The following DENND2A variants were observed in gnomAD, a reference collection of about 807,000 sequenced individuals.
DENND2A encodes the protein DENN domain containing 2A, also known as DENN domain-containing protein 2A.
In DENND2A, 53 loss-of-function variants were observed where a neutral mutation model predicts 105.3. The ratio of observed to expected loss-of-function variants is 0.50; its 90% CI spans 0.40 to 0.63. The LOEUF (loss-of-function observed/expected upper bound fraction) is 0.63. DENND2A is among the 30% of genes least tolerant of loss of function. The pLI, the probability that DENND2A is intolerant of heterozygous loss-of-function variation, is 0.00. For missense variants in DENND2A, 1,138 were observed against 1,279.6 expected (o/e 0.89, Z 1.69); for synonymous variants, 522 against 508.4 (o/e 1.03, Z -0.36).
intron 2 of DENND2A, 22 bp downstream of exon 2, chr7:140,605,683 C>G (rs1799662764): frequency 6.6e-6 from 1 of 152,244 alleles, no homozygotes; most frequent in Admixed American, 6.5e-5. Context: ...CGTCTACACT[C>G]TCGGGGGAGA....
At chr7:140,561,147 C>T (rs1385404569) in intron 9 of DENND2A, among the ~76,000 whole-genome samples, 1 of 151,976 alleles carries the variant, frequency 6.6e-6, no homozygotes, top group East Asian at 1.9e-4. Flanking sequence ...GCTGGGACTG[C>T]GAGTGCATAC....
rs563622554 is a variant in DENND2A, at chr7:140,519,038, G to C, written c.2999-300C>G. 7.9e-5 allele frequency among the ~76,000 whole-genome samples: 12 copies of C among 152,334 alleles called. No homozygotes were observed. The East Asian group carries it at 2.3e-3, about 29-fold the overall frequency. On this transcript the variant is annotated intron_variant, in intron 19 of 19. Coordinates refer to ENST00000496613, the MANE Select transcript of DENND2A (RefSeq NM_015689.5). ...ACATCCCTCAGGAGCCAGGGGAGGA[G>C]AAAGTGCCCAGCAATGCTGTGTGTA... is the stretch of plus-strand genomic sequence containing the variant.
Position 140,568,537 on chromosome 7 carries a change from C to T in DENND2A, c.1591+226G>A, listed in dbSNP as rs900273406. Among the ~76,000 whole-genome samples the T allele has an allele frequency of 2.6e-5, 4 of 152,154 alleles. No individual in the cohort carries two copies. The South Asian group carries it at 6.2e-4, about 24-fold the overall frequency. On this transcript the variant is annotated intron_variant, in intron 8 of 19. Transcript: ENST00000496613. ...GAGGCATGGGAGCAGGGGTCGCTGCCGTTACTGCAGCCACCCTGGCTCTCA... is the reference window on the plus strand; with the variant it reads ...GAGGCATGGGAGCAGGGGTCGCTGCTGTTACTGCAGCCACCCTGGCTCTCA...
intron 14 of DENND2A, 33 bp downstream of exon 14, chr7:140,544,585 A>G: frequency 6.2e-7 from 1 of 1,613,982 alleles, no homozygotes; most frequent in Non-Finnish European, 8.5e-7. Flanking sequence ...ACTGTCATTC[A>G]AACGCTTTAG....
intron 2 of DENND2A, among the ~76,000 whole-genome samples, chr7:140,604,367 A>G (rs1228664079): frequency 6.6e-6 from 1 of 152,268 alleles, no homozygotes; most frequent in Non-Finnish European, 1.5e-5. Flanking sequence ...TGGCAAACAC[A>G]TTTTCCTATT....
chr7:140,566,094 C>T (rs932704575), intron 9 of DENND2A, among the ~76,000 whole-genome samples: 1 of 152,278 alleles, frequency 6.6e-6, no homozygotes, highest in African/African-American at 2.4e-5. Context: ...TTACTTTTTG[C>T]AATCTCTGCT....
chr7:140,541,164 T>C (rs1796641866), intron 14 of DENND2A, among the ~76,000 whole-genome samples: 1 of 152,144 alleles, frequency 6.6e-6, no homozygotes, highest in Non-Finnish European at 1.5e-5. Flanking sequence ...AAGTTTTTTT[T>C]CTTCTCCTTA....
intron 6 of DENND2A, among the ~76,000 whole-genome samples, chr7:140,570,699 C>CTGGA (rs1393257471): frequency 6.6e-6 from 1 of 152,244 alleles, no homozygotes; most frequent in Non-Finnish European, 1.5e-5. Context: ...CATCCCAAGC[C>CTGGA]TCCAAGCAGG....
At chr7:140,585,266 C>T (rs1232269626) in intron 5 of DENND2A, among the ~76,000 whole-genome samples, 2 of 152,232 alleles carry the variant, frequency 1.3e-5, no homozygotes, top group Non-Finnish European at 2.9e-5. Flanking sequence ...TACATCATGC[C>T]TTTCCGTCTT....
rs370709180 is a variant in DENND2A, at chr7:140,527,381, C to T, written c.2442G>A (p.Thr814=). 5.6e-5 allele frequency: 90 copies of T among 1,606,776 alleles called. 1 individual carries two copies. In the African/African-American group the frequency reaches 7.9e-4, roughly 14 times the overall value. Residue 814 remains threonine, a synonymous_variant, in exon 15 of 20, where the codon ACG becomes ACA. Coordinates refer to ENST00000496613, the MANE Select transcript of DENND2A (RefSeq NM_015689.5). The surrounding 1 kb of genome is among the most constrained non-coding windows in gnomAD (Gnocchi z 4.9). ...TGGAGAGCAGCCCGATGAGGAAGGG[C>T]GTCGGCGAGCACACGATGTCGACCA... ...PAMVDIVCSP[T]PFLIGLLSSS...
At chr7:140,519,252 TGTAA>T (rs1795767517) in intron 19 of DENND2A, among the ~76,000 whole-genome samples, 1 of 152,148 alleles carries the variant, frequency 6.6e-6, no homozygotes, top group African/African-American at 2.4e-5. Context: ...CTACAGTCCT[TGTAA>T]GTGTCACGTT....
At chr7:140,529,630 T>C (rs1479236143) in intron 14 of DENND2A, among the ~76,000 whole-genome samples, 1 of 151,700 alleles carries the variant, frequency 6.6e-6, no homozygotes, top group Admixed American at 6.6e-5. Flanking sequence ...AAAGGATGAG[T>C]TCATCCTTTG....
chr7:140,542,220 T>G (rs1383219246), intron 14 of DENND2A, among the ~76,000 whole-genome samples: 3 of 152,166 alleles, frequency 2.0e-5, no homozygotes, highest in Non-Finnish European at 4.4e-5. Context: ...GATTCAGTAT[T>G]TCAAAAATGA....
chr7:140,519,791 AC>A, intron 18 of DENND2A, 73 bp from the exon 19 acceptor site: 1 of 1,362,572 alleles, frequency 7.3e-7, no homozygotes, highest in Non-Finnish European at 1.0e-6. Context: ...TTTCCTCCCT[AC>A]CAGAGAAAAG....
Position 140,585,714 on chromosome 7 carries a change from T to C in DENND2A, c.1124-4A>G, listed in dbSNP as rs1317587503. 6.2e-7 allele frequency: 1 copy of C among 1,614,156 alleles called. No individual in the cohort carries two copies. On this transcript the variant is annotated splice_region_variant and splice_polypyrimidine_tract_variant and intron_variant, in intron 4 of 19. Transcript: ENST00000496613. ...GGGTTCTCCTTCATTGGCGGATCTGTGTTCAAAGGCAATGTGTCAGGAACC... is the reference window on the plus strand; with the variant it reads ...GGGTTCTCCTTCATTGGCGGATCTGCGTTCAAAGGCAATGTGTCAGGAACC...
chr7:140,518,590 G>T lies in DENND2A; in HGVS notation c.*117C>A. 2.8e-6 allele frequency: 3 copies of T among 1,076,944 alleles called. No homozygotes were observed. Among genetic ancestry groups the T allele is most frequent in the East Asian group, 2.6e-5 (1 of 38,832 alleles). 66.7% of individuals were successfully genotyped at this position (1,076,944 alleles called of 1,614,324 possible). A position where few individuals can be genotyped will look rare whatever the true frequency, so the allele number is the denominator to read the frequency against. ...AGCCCAGCCTCGGCCAGAAGCCACC[G>T]CGGCCTCCAGTTCCGCACCGTGACA... On this transcript the variant is annotated 3_prime_UTR_variant, in exon 20 of 20. Transcript: ENST00000496613.
chr7:140,553,407 G>C (rs568143835), intron 12 of DENND2A, among the ~76,000 whole-genome samples: 1 of 152,228 alleles, frequency 6.6e-6, no homozygotes, highest in African/African-American at 2.4e-5. Context: ...GTACAATCGG[G>C]TTTTATACCG....
intron 6 of DENND2A, 113 bp downstream of exon 6, chr7:140,573,695 A>T: frequency 1.6e-6 from 2 of 1,238,678 alleles, no homozygotes; most frequent in African/African-American, 3.0e-5. Context: ...GCCTGCAGCA[A>T]CACAGGTGGG....
intron 1 of DENND2A, among the ~76,000 whole-genome samples, chr7:140,622,360 C>T (rs1346087329): frequency 6.6e-6 from 1 of 151,622 alleles, no homozygotes; most frequent in Non-Finnish European, 1.5e-5. Flanking sequence ...TGCACCACTG[C>T]ACTCCAGCCT....
Sources: gnomAD v4.1 joint callset for allele counts (sites outside exome capture counted in the v4.1 genomes callset) on GRCh38, gnomAD v4.1.1 for gene constraint, Gnocchi (gnomAD v3.1) non-coding constraint, MANE v1.5 for transcripts, NCBI Gene and HGNC (gene_info 2026-07-23, HGNC 2026-07-21) for gene names.